Variants in IQCH observed in about 807,000 individuals in gnomAD.
The protein encoded by IQCH is IQ motif containing H.
In IQCH, 98 loss-of-function variants were observed where a neutral mutation model predicts 117.0. The observed-to-expected ratio is 0.84, with a 90% confidence interval of 0.71 to 0.99. The LOEUF (loss-of-function observed/expected upper bound fraction) is 0.99. IQCH is among the 50% of genes least tolerant of loss of function. The pLI is 0.00. For missense variants in IQCH, 1,102 were observed against 1,243.8 expected (o/e 0.89, Z 1.72); for synonymous variants, 412 against 448.2 (o/e 0.92, Z 1.02).
At position 67,370,609 on chromosome 15, in the gene IQCH, C is replaced by A. The variant is rs1227662300; in HGVS notation, c.754-1502C>A. Reference sequence around the variant, plus strand: ...CTTCTCCAACTTTCTCTTGCCCATCCAAGAAGAAGGAATTTATTTTCATCT... The same window carrying A: ...CTTCTCCAACTTTCTCTTGCCCATCAAAGAAGAAGGAATTTATTTTCATCT... On this transcript the variant is annotated intron_variant, in intron 8 of 20. Coordinates refer to ENST00000335894, the MANE Select transcript of IQCH (RefSeq NM_001031715.3). This position sits in a 1 kb window ranked among gnomAD's most constrained non-coding sequence, Gnocchi z 5.6. Among the ~76,000 whole-genome samples the A allele has an allele frequency of 6.6e-6, 1 of 152,158 alleles. No homozygotes were observed. The highest frequency in any genetic ancestry group is 2.4e-5 in the African/African-American group (1 of 41,434).
intron 1 of IQCH, among the ~76,000 whole-genome samples, chr15:67,257,183 C>G (rs1965258751): frequency 6.6e-6 from 1 of 152,222 alleles, no homozygotes; most frequent in South Asian, 2.1e-4. Flanking sequence ...ACCTCACTTT[C>G]CTCTTCCATA....
chr15:67,260,894 G>C (rs1965428308), intron 1 of IQCH, among the ~76,000 whole-genome samples: 2 of 152,002 alleles, frequency 1.3e-5, no homozygotes, highest in African/African-American at 4.8e-5. Context: ...ACAGTAGTTT[G>C]AGACCAGCCT....
At chr15:67,261,767 T>C (rs947626222) in intron 2 of IQCH, among the ~76,000 whole-genome samples, 1 of 152,138 alleles carries the variant, frequency 6.6e-6, no homozygotes, top group Non-Finnish European at 1.5e-5. Flanking sequence ...TATTGCAGAT[T>C]TTCTGGAATT....
intron 5 of IQCH, 133 bp downstream of exon 5, chr15:67,337,228 T>C: frequency 1.1e-6 from 1 of 872,946 alleles, no homozygotes; most frequent in Non-Finnish European, 1.8e-6. Flanking sequence ...AGTCAGGTCC[T>C]CACTCTGGTC....
At chr15:67,355,602 A>AC (rs925953697) in intron 6 of IQCH, among the ~76,000 whole-genome samples, 2 of 152,176 alleles carry the variant, frequency 1.3e-5, no homozygotes, top group Non-Finnish European at 2.9e-5. Flanking sequence ...AAAAAAAAAA[A>AC]AATTAGTAAT....
chr15:67,389,798 T>C (rs1971225756), intron 12 of IQCH, among the ~76,000 whole-genome samples: 1 of 151,554 alleles, frequency 6.6e-6, no homozygotes, highest in Non-Finnish European at 1.5e-5. Context: ...GCCAACGTGA[T>C]TGCATGCTAT....
chr15:67,461,354 C>T (rs8025163), intron 16 of IQCH, among the ~76,000 whole-genome samples: 11,914 of 152,222 alleles, frequency 0.078, 644 homozygotes, highest in Middle Eastern at 0.13. Context: ...CTAAAAGTTA[C>T]GGAAGAGGAG....
In IQCH at chr15:67,376,077, G is replaced by A. The variant is rs1230579212; in HGVS notation, c.1372+2644G>A. Among the ~76,000 whole-genome samples the A allele has an allele frequency of 3.3e-5, 5 of 152,156 alleles. No homozygotes were observed. Among genetic ancestry groups the A allele is most frequent in the East Asian group, 1.9e-4 (1 of 5,180 alleles). ...GCTGGGATTATAGGTGTGAGCCACCGCATCCGGCCGTGCTTTGGATTTTAT... is the reference window on the plus strand; with the variant it reads ...GCTGGGATTATAGGTGTGAGCCACCACATCCGGCCGTGCTTTGGATTTTAT... On this transcript the variant is annotated intron_variant, in intron 10 of 20. Transcript: ENST00000335894. The surrounding 1 kb of genome is among the most constrained non-coding windows in gnomAD (Gnocchi z 5.0).
chr15:67,387,904 GAA>G lies in IQCH; in HGVS notation c.1457-924_1457-923del, dbSNP rs1389219291. On this transcript the variant is annotated intron_variant, in intron 11 of 20. Coordinates refer to ENST00000335894, the MANE Select transcript of IQCH (RefSeq NM_001031715.3). The surrounding 1 kb of genome is among the most constrained non-coding windows in gnomAD (Gnocchi z 4.8). ...TCCTCTCTTTGCCCTGCTTGCCTAA[GAA>G]AACGTTTACAGTGCTCCCTCCTCTG... 1.3e-5 allele frequency among the ~76,000 whole-genome samples: 2 copies of G among 152,178 alleles called. No homozygotes were observed. The highest frequency in any genetic ancestry group is 4.8e-5 in the African/African-American group (2 of 41,438).
rs1249505621 is a variant in IQCH at position 67,434,806 on chromosome 15, C to T, written c.2505+13229C>T. Among the ~76,000 whole-genome samples the T allele has an allele frequency of 4.6e-5, 6 of 130,248 alleles. No individual in the cohort carries two copies. In the East Asian group the frequency reaches 9.1e-4, roughly 20 times the overall value. 85.4% of individuals were successfully genotyped at this position (130,248 alleles called of 152,430 possible). ...TTTTCTTTTTTTTTTTTTTTTGAGACGGAGTCTGACTCTGTTGCCCAGGCC... is the reference window on the plus strand; with the variant it reads ...TTTTCTTTTTTTTTTTTTTTTGAGATGGAGTCTGACTCTGTTGCCCAGGCC... On this transcript the variant is annotated intron_variant, in intron 16 of 20. Coordinates refer to ENST00000335894, the MANE Select transcript of IQCH (RefSeq NM_001031715.3).
chr15:67,282,821 C>G (rs1378163007), intron 4 of IQCH, among the ~76,000 whole-genome samples: 3 of 152,072 alleles, frequency 2.0e-5, no homozygotes, highest in African/African-American at 7.2e-5. Flanking sequence ...TTTTGAAATT[C>G]ACATCAAAAA....
At chr15:67,309,143 T>C (rs935118686) in intron 4 of IQCH, among the ~76,000 whole-genome samples, 2 of 152,130 alleles carry the variant, frequency 1.3e-5, no homozygotes, top group African/African-American at 2.4e-5. Flanking sequence ...TAGGATTGTA[T>C]TGAGTTTTTA....
Position 67,500,755 on chromosome 15 carries a change from T to C in IQCH, c.*9T>C. 1 of 1,400,938 alleles carries C rather than the reference T, an allele frequency of 7.1e-7. No homozygotes were observed. The highest frequency in any genetic ancestry group is 1.0e-6 in the Non-Finnish European group (1 of 1,003,744). The allele number at this position is 1,400,938 out of a possible 1,614,324, so 86.8% of individuals were successfully genotyped here. On this transcript the variant is annotated 3_prime_UTR_variant, in exon 21 of 21. Transcript: ENST00000335894. This position sits in a 1 kb window ranked among gnomAD's most constrained non-coding sequence, Gnocchi z 4.4. ...CTAAACCCAAGAAATGATCCTGGAA[T>C]ACAGTACATAACAATTTGGATCCCA... is the stretch of plus-strand genomic sequence containing the variant.
chr15:67,298,659 A>G (rs927589535), intron 4 of IQCH, among the ~76,000 whole-genome samples: 2 of 152,150 alleles, frequency 1.3e-5, no homozygotes, highest in Non-Finnish European at 2.9e-5. Context: ...TGAGGCCAGG[A>G]GTTCAAGACC....
rs111228476 is a variant in IQCH at position 67,417,299 on chromosome 15, A to C, written c.2218+248A>C. ...GATTCTGGGCCTTTTTTTACACTACAAACTTCTCCTGAGAGGTGGGCTTTG... is the reference window on the plus strand; with the variant it reads ...GATTCTGGGCCTTTTTTTACACTACCAACTTCTCCTGAGAGGTGGGCTTTG... On this transcript the variant is annotated intron_variant, in intron 15 of 20. Coordinates refer to ENST00000335894, the MANE Select transcript of IQCH (RefSeq NM_001031715.3). The surrounding 1 kb of genome is among the most constrained non-coding windows in gnomAD (Gnocchi z 4.3). 0.017 allele frequency among the ~76,000 whole-genome samples: 2,613 copies of C among 152,256 alleles called. 86 individuals are homozygous for C. Among genetic ancestry groups the C allele is most frequent in the African/African-American group, 0.061 (2,521 of 41,538 alleles).
At chr15:67,392,908 C>G (rs534227584) in intron 12 of IQCH, among the ~76,000 whole-genome samples, 1 of 152,204 alleles carries the variant, frequency 6.6e-6, no homozygotes, top group South Asian at 2.1e-4. Context: ...CATGTAAATC[C>G]TCTTCTCAGA....
chr15:67,482,550 T>G (rs917019730), intron 18 of IQCH, among the ~76,000 whole-genome samples: 2 of 152,216 alleles, frequency 1.3e-5, no homozygotes, highest in Non-Finnish European at 2.9e-5. Context: ...TGCAATAACT[T>G]TGAAAGGTAG....
chr15:67,490,173 A>C lies in IQCH; in HGVS notation c.2861+109A>C. 1.2e-6 allele frequency: 1 copy of C among 802,894 alleles called. No individual in the cohort carries two copies. Among genetic ancestry groups the C allele is most frequent in the South Asian group, 1.5e-5 (1 of 65,262 alleles). The allele number at this position is 802,894 out of a possible 1,614,324, so 49.7% of individuals were successfully genotyped here. A position where few individuals can be genotyped will look rare whatever the true frequency, so the allele number is the denominator to read the frequency against. The stretch of plus-strand genomic sequence containing the variant: ...TTTAATCAGCATGCTGATTTATTAG[A>C]AGTCTATCTTTATTTAGATCTTCAG... On this transcript the variant is annotated intron_variant, in intron 19 of 20. Transcript: ENST00000335894. This position sits in a 1 kb window ranked among gnomAD's most constrained non-coding sequence, Gnocchi z 4.9.
At chr15:67,483,436 G>C (rs1036204260) in intron 18 of IQCH, among the ~76,000 whole-genome samples, 4 of 152,238 alleles carry the variant, frequency 2.6e-5, no homozygotes, top group Non-Finnish European at 5.9e-5. Context: ...AGAATCATTT[G>C]AACCCAGAAG....
Sources: gnomAD v4.1 joint callset for allele counts (sites outside exome capture counted in the v4.1 genomes callset) on GRCh38, gnomAD v4.1.1 for gene constraint, Gnocchi (gnomAD v3.1) non-coding constraint, MANE v1.5 for transcripts, NCBI Gene and HGNC (gene_info 2026-07-23, HGNC 2026-07-21) for gene names.